WDR72: variants seen among roughly 807,000 people sequenced by gnomAD.
WDR72 encodes WD repeat domain 72.
Under a neutral mutation model 124.2 loss-of-function variants are expected in WDR72, and 120 were observed. The ratio of observed to expected loss-of-function variants is 0.97; its 90% CI spans 0.83 to 1.12. The LOEUF (loss-of-function observed/expected upper bound fraction) is 1.12, where lower values mean the gene tolerates loss of function less well. WDR72 is among the 50% of genes most tolerant of loss of function. WDR72 has a pLI of 0.00. For synonymous variants in WDR72, 452 were observed against 441.7 expected (o/e 1.02, Z -0.29); for missense variants, 1,387 against 1,278.8 (o/e 1.08, Z -1.29).
chr15:53,649,842 G>C (rs1200895335), intron 14 of WDR72, among the ~76,000 whole-genome samples: 1 of 152,100 alleles, frequency 6.6e-6, no homozygotes, highest in South Asian at 2.1e-4. Flanking sequence ...AGCACACTGT[G>C]GGTAGAAATG....
At chr15:53,628,751 T>G (rs889641981) in intron 14 of WDR72, among the ~76,000 whole-genome samples, 2 of 152,114 alleles carry the variant, frequency 1.3e-5, no homozygotes, top group African/African-American at 4.8e-5. Flanking sequence ...CTAGTCAAGA[T>G]GGCAAAGTTT....
At chr15:53,558,140 T>A (rs1201206008) in intron 18 of WDR72, among the ~76,000 whole-genome samples, 1 of 152,080 alleles carries the variant, frequency 6.6e-6, no homozygotes, top group African/African-American at 2.4e-5. Flanking sequence ...TATAAATGTG[T>A]CCTAGAATCT....
At chr15:53,737,414 T>C (rs538684946) in intron 1 of WDR72, among the ~76,000 whole-genome samples, 2 of 152,180 alleles carry the variant, frequency 1.3e-5, no homozygotes, top group Non-Finnish European at 2.9e-5. Context: ...TCCTACTATA[T>C]CTTACTTACA....
chr15:53,565,456 G>C (rs148113359), intron 18 of WDR72, among the ~76,000 whole-genome samples: 190 of 151,986 alleles, frequency 1.3e-3, no homozygotes, highest in African/African-American at 4.4e-3. Flanking sequence ...TTCCAGAGAT[G>C]TTAAATGCAT....
intron 14 of WDR72, among the ~76,000 whole-genome samples, chr15:53,631,121 G>C (rs903155706): frequency 2.0e-5 from 3 of 152,152 alleles, no homozygotes; most frequent in Admixed American, 1.3e-4. Flanking sequence ...TGCCTGGTGA[G>C]AACTGATTGG....
intron 18 of WDR72, among the ~76,000 whole-genome samples, chr15:53,560,415 T>C (rs1239485645): frequency 2.6e-5 from 4 of 151,874 alleles, no homozygotes; most frequent in Non-Finnish European, 5.9e-5. Context: ...TACTTGTCCT[T>C]ACGAGCAACT....
chr15:53,634,483 T>C (rs897530339), intron 14 of WDR72, among the ~76,000 whole-genome samples: 2 of 152,172 alleles, frequency 1.3e-5, no homozygotes, highest in Non-Finnish European at 2.9e-5. Flanking sequence ...ACACTAATGA[T>C]AGTTGATTAG....
intron 18 of WDR72, among the ~76,000 whole-genome samples, chr15:53,579,641 C>A (rs1374715903): frequency 6.6e-6 from 1 of 152,044 alleles, no homozygotes; most frequent in Non-Finnish European, 1.5e-5. Flanking sequence ...AGCTGTGTGA[C>A]TTTAAACAAG....
At chr15:53,641,202 G>A (rs1012364257) in intron 14 of WDR72, among the ~76,000 whole-genome samples, 7 of 152,058 alleles carry the variant, frequency 4.6e-5, no homozygotes, top group Middle Eastern at 3.4e-3. Flanking sequence ...TTATACAAAA[G>A]CCTTTTATTA....
chr15:53,723,665 C>T (rs2017940431), intron 2 of WDR72, among the ~76,000 whole-genome samples: 1 of 152,160 alleles, frequency 6.6e-6, no homozygotes. Context: ...CACTTAAGTA[C>T]CTAAATGCCA....
chr15:53,536,720 T>G (rs527438437), intron 18 of WDR72, among the ~76,000 whole-genome samples: 1 of 152,282 alleles, frequency 6.6e-6, no homozygotes, highest in African/African-American at 2.4e-5. Context: ...TTTAACGGCA[T>G]TGAAGCTAAA....
chr15:53,750,901 C>T lies in WDR72; in HGVS notation c.-13+8732G>A, dbSNP rs562514294. ...AATGTAAATGGATGAGAAGCTGCTT[C>T]TTATGAATGAGCAAAGAAAGTGGTT... On this transcript the variant is annotated intron_variant, in intron 1 of 19. Transcript: ENST00000360509. 4.9e-4 allele frequency among the ~76,000 whole-genome samples: 74 copies of T among 152,246 alleles called. 1 individual carries two copies. Among genetic ancestry groups the T allele is most frequent in the African/African-American group, 1.7e-3 (69 of 41,516 alleles).
intron 13 of WDR72, among the ~76,000 whole-genome samples, chr15:53,697,871 C>G (rs571028384): frequency 6.6e-6 from 1 of 152,056 alleles, no homozygotes; most frequent in African/African-American, 2.4e-5. Flanking sequence ...TGTAGTGGCG[C>G]GATCTCCGCT....
At chr15:53,750,311 G>A (rs2018743440) in intron 1 of WDR72, among the ~76,000 whole-genome samples, 1 of 152,054 alleles carries the variant, frequency 6.6e-6, no homozygotes, top group South Asian at 2.1e-4. Context: ...TATGGAACCA[G>A]AAAGCCTGGA....
At chr15:53,726,214 GTATGTGTATA>G (rs2018024057) in intron 2 of WDR72, among the ~76,000 whole-genome samples, 1 of 124,192 alleles carries the variant, frequency 8.1e-6, no homozygotes, top group African/African-American at 4.4e-5. Flanking sequence ...ATATATATAT[GTATGTGTATA>G]TATATATATA....
chr15:53,632,237 C>T (rs1354215292), intron 14 of WDR72, among the ~76,000 whole-genome samples: 1 of 152,060 alleles, frequency 6.6e-6, no homozygotes, highest in Non-Finnish European at 1.5e-5. Context: ...TACTCCAGCA[C>T]CAGTTGTGGC....
At chr15:53,674,137 G>A (rs1045979801) in intron 13 of WDR72, among the ~76,000 whole-genome samples, 64 of 152,274 alleles carry the variant, frequency 4.2e-4, no homozygotes, top group African/African-American at 1.3e-3. Context: ...TCCATATTGG[G>A]TAGGCATTTT....
intron 14 of WDR72, among the ~76,000 whole-genome samples, chr15:53,633,459 T>G (rs1303718883): frequency 6.6e-6 from 1 of 152,202 alleles, no homozygotes; most frequent in Non-Finnish European, 1.5e-5. Context: ...GTCTCAGTTA[T>G]TCCTTTACAG....
At chr15:53,708,900 G>A (rs1185999817) in intron 9 of WDR72, among the ~76,000 whole-genome samples, 2 of 152,180 alleles carry the variant, frequency 1.3e-5, no homozygotes, top group African/African-American at 4.8e-5. Flanking sequence ...AAGCTAGGGA[G>A]ATCCTCATGC....
Sources: gnomAD v4.1 joint callset for allele counts (sites outside exome capture counted in the v4.1 genomes callset) on GRCh38, gnomAD v4.1.1 for gene constraint, MANE v1.5 for transcripts, NCBI Gene and HGNC (gene_info 2026-07-23, HGNC 2026-07-21) for gene names.